The following PDCD10 variants were observed in gnomAD, a reference collection of about 807,000 sequenced individuals.
PDCD10 encodes programmed cell death 10, also known as programmed cell death protein 10.
A neutral mutation model predicts 29.2 loss-of-function variants in PDCD10; 4 were observed. The observed-to-expected ratio is 0.14, with a 90% CI of 0.07 to 0.31. The LOEUF (loss-of-function observed/expected upper bound fraction) is 0.31. Among genes scored for constraint, PDCD10 ranks in the 10% least tolerant of loss-of-function variants. The pLI, the probability that PDCD10 is intolerant of heterozygous loss-of-function variation, is 1.00. For synonymous variants in PDCD10, 70 were observed against 82.2 expected (o/e 0.85, Z 0.80); for missense variants, 183 against 257.9 (o/e 0.71, Z 1.99).
intron 6 of PDCD10, among the ~76,000 whole-genome samples, chr3:167,691,935 T>G (rs1253183292): frequency 6.6e-6 from 1 of 152,232 alleles, no homozygotes; most frequent in Non-Finnish European, 1.5e-5. Context: ...TAAATAAATG[T>G]AAAGTGATTA....
At chr3:167,715,066 A>G (rs143222640) in intron 3 of PDCD10, among the ~76,000 whole-genome samples, 18 of 151,942 alleles carry the variant, frequency 1.2e-4, no homozygotes, top group Admixed American at 2.0e-4. Context: ...CTGGCAAAAA[A>G]AAAACCAGAC....
chr3:167,720,337 AT>A, intron 2 of PDCD10, 64 bp from the exon 3 acceptor site: 1 of 568,486 alleles, frequency 1.8e-6, no homozygotes, highest in East Asian at 2.9e-5. Flanking sequence ...AATACCAATA[AT>A]TTTCCTTTCC....
intron 3 of PDCD10, among the ~76,000 whole-genome samples, chr3:167,709,401 G>A (rs769128626): frequency 6.6e-6 from 1 of 152,138 alleles, no homozygotes; most frequent in Non-Finnish European, 1.5e-5. Context: ...CAGCTGTGTG[G>A]CATGGACAAA....
At chr3:167,718,869 C>G (rs1723286921) in intron 3 of PDCD10, among the ~76,000 whole-genome samples, 1 of 151,918 alleles carries the variant, frequency 6.6e-6, no homozygotes, top group African/African-American at 2.4e-5. Flanking sequence ...GACCACTTAC[C>G]TTCAGAATCT....
At chr3:167,690,173 C>G (rs1720071854) in intron 6 of PDCD10, among the ~76,000 whole-genome samples, 2 of 152,188 alleles carry the variant, frequency 1.3e-5, no homozygotes, top group African/African-American at 4.8e-5. Flanking sequence ...GCAATTTGCA[C>G]CAACCTAATA....
chr3:167,705,879 CTAAGAT>C (rs1195109610), intron 3 of PDCD10, among the ~76,000 whole-genome samples: 1 of 152,072 alleles, frequency 6.6e-6, no homozygotes, highest in Non-Finnish European at 1.5e-5. Context: ...GTGACTATTA[CTAAGAT>C]TAAAATAACA....
chr3:167,712,953 A>C (rs1250500076), intron 3 of PDCD10, among the ~76,000 whole-genome samples: 2 of 152,036 alleles, frequency 1.3e-5, no homozygotes, highest in Non-Finnish European at 2.9e-5. Context: ...CAGAAATATA[A>C]GGCAAATATT....
intron 4 of PDCD10, among the ~76,000 whole-genome samples, chr3:167,699,948 CATAAA>C (rs1450186380): frequency 2.0e-5 from 3 of 152,030 alleles, no homozygotes; most frequent in Non-Finnish European, 4.4e-5. Context: ...GTTATGAATG[CATAAA>C]ATATAGTTAT....
chr3:167,700,440 G>A (rs1721280116), intron 4 of PDCD10, among the ~76,000 whole-genome samples: 2 of 151,676 alleles, frequency 1.3e-5, no homozygotes, highest in African/African-American at 4.8e-5. Flanking sequence ...AAGGTGTATT[G>A]CATGATACTG....
chr3:167,683,795 T>C lies in PDCD10; in HGVS notation c.*513A>G, dbSNP rs562433347. Reference sequence around the variant, plus strand: ...TGATAAACTGCTGATAAGCTCCCATTAGAAGTTTTTTAGACATTACACCAA... The same window carrying C: ...TGATAAACTGCTGATAAGCTCCCATCAGAAGTTTTTTAGACATTACACCAA... On this transcript the variant is annotated 3_prime_UTR_variant, in exon 9 of 9. Transcript: ENST00000392750. 2 of 149,754 alleles carry C rather than the reference T, an allele frequency of 1.3e-5. No individual in the cohort carries two copies. Among genetic ancestry groups the C allele is most frequent in the African/African-American group, 4.9e-5 (2 of 41,084 alleles). 9.3% of individuals were successfully genotyped at this position (149,754 alleles called of 1,614,324 possible). A position where few individuals can be genotyped will look rare whatever the true frequency, so the allele number is the denominator to read the frequency against.
chr3:167,694,856 C>T (rs192215607), intron 6 of PDCD10, among the ~76,000 whole-genome samples: 2 of 152,330 alleles, frequency 1.3e-5, no homozygotes, highest in African/African-American at 4.8e-5. Flanking sequence ...TAAATCTTTT[C>T]TCCCCAGCAA....
chr3:167,730,359 G>A (rs1724680593), intron 2 of PDCD10, among the ~76,000 whole-genome samples: 1 of 152,066 alleles, frequency 6.6e-6, no homozygotes, highest in Non-Finnish European at 1.5e-5. Flanking sequence ...TATCATGTAA[G>A]TGGCTTAAAA....
intron 3 of PDCD10, among the ~76,000 whole-genome samples, chr3:167,717,516 T>C (rs1723141270): frequency 6.6e-6 from 1 of 151,350 alleles, no homozygotes. Context: ...ATAATTTCCC[T>C]ATTAGATATA....
At chr3:167,686,124 AG>A (rs965446316) in intron 8 of PDCD10, among the ~76,000 whole-genome samples, 1 of 152,218 alleles carries the variant, frequency 6.6e-6, no homozygotes, top group Non-Finnish European at 1.5e-5. Flanking sequence ...TCTGACTTTA[AG>A]CACTGTTAAA....
intron 4 of PDCD10, among the ~76,000 whole-genome samples, chr3:167,704,131 T>C (rs761928266): frequency 6.6e-6 from 1 of 152,228 alleles, no homozygotes; most frequent in Non-Finnish European, 1.5e-5. Flanking sequence ...TATTTGAAGG[T>C]ATTACTTTCC....
chr3:167,705,660 A>G (rs939348439), intron 3 of PDCD10, among the ~76,000 whole-genome samples: 6 of 152,210 alleles, frequency 3.9e-5, no homozygotes, highest in Admixed American at 6.5e-5. Context: ...TTATCTGCCA[A>G]AAAACAATGA....
intron 3 of PDCD10, among the ~76,000 whole-genome samples, chr3:167,712,420 T>C (rs1191827082): frequency 3.3e-5 from 5 of 151,956 alleles, no homozygotes; most frequent in African/African-American, 4.8e-5. Flanking sequence ...GGTAATAAGA[T>C]AGTGTTTGCA....
At chr3:167,699,804 G>A (rs1721188058) in intron 4 of PDCD10, among the ~76,000 whole-genome samples, 1 of 152,148 alleles carries the variant, frequency 6.6e-6, no homozygotes, top group African/African-American at 2.4e-5. Context: ...GGTTTTAACT[G>A]CTCAGGTCCA....
intron 4 of PDCD10, 41 bp from the exon 5 acceptor site, chr3:167,697,167 A>C (rs771933514): frequency 1.8e-6 from 2 of 1,092,372 alleles, no homozygotes; most frequent in Admixed American, 3.4e-5. Flanking sequence ...ACAGATAAGG[A>C]ATCAACATTT....
Sources: gnomAD v4.1 joint callset for allele counts (sites outside exome capture counted in the v4.1 genomes callset) on GRCh38, gnomAD v4.1.1 for gene constraint, MANE v1.5 for transcripts, NCBI Gene and HGNC (gene_info 2026-07-23, HGNC 2026-07-21) for gene names.